SUPT3H: variants seen among roughly 807,000 people sequenced by gnomAD.
SUPT3H encodes the protein SPT3 homolog, SAGA and STAGA complex component.
SUPT3H carries 44 observed loss-of-function variants against 44.3 expected under a neutral mutation model. That is an observed-to-expected ratio of 0.99 (90% CI 0.78 to 1.28). SUPT3H has a LOEUF of 1.28. Ranked by LOEUF, SUPT3H falls within the 50% of genes most tolerant of loss-of-function variation. The pLI is 0.00. For synonymous variants in SUPT3H, 124 were observed against 125.6 expected (o/e 0.99, Z 0.09); for missense variants, 380 against 387.1 (o/e 0.98, Z 0.15).
chr6:45,222,496 C>T (rs907198522), intron 2 of SUPT3H, among the ~76,000 whole-genome samples: 2 of 152,210 alleles, frequency 1.3e-5, no homozygotes, highest in Non-Finnish European at 2.9e-5. Context: ...GAGATTATCA[C>T]TACAGGACCA....
At chr6:45,248,801 G>C (rs1311633691) in intron 2 of SUPT3H, among the ~76,000 whole-genome samples, 1 of 151,938 alleles carries the variant, frequency 6.6e-6, no homozygotes, top group Non-Finnish European at 1.5e-5. Context: ...TGTAGTCCCA[G>C]CTACTTGGGA....
chr6:45,158,023 A>T (rs951362457), intron 2 of SUPT3H, among the ~76,000 whole-genome samples: 3 of 148,350 alleles, frequency 2.0e-5, no homozygotes, highest in African/African-American at 7.4e-5. Context: ...TCCATGCTCT[A>T]GGGGATTTAA....
intron 10 of SUPT3H, among the ~76,000 whole-genome samples, chr6:44,870,773 G>C (rs542513648): frequency 2.7e-5 from 4 of 150,720 alleles, no homozygotes; most frequent in Admixed American, 1.3e-4. Flanking sequence ...GAGAGTGGGC[G>C]CAGGCCAGTG....
intron 1 of SUPT3H, among the ~76,000 whole-genome samples, chr6:45,366,151 G>A (rs1384811444): frequency 1.3e-5 from 2 of 152,122 alleles, no homozygotes; most frequent in Non-Finnish European, 2.9e-5. Context: ...CATAAACTTT[G>A]CAAAGCTGTA....
chr6:45,021,543 C>T (rs979376904), intron 3 of SUPT3H, among the ~76,000 whole-genome samples: 1 of 151,830 alleles, frequency 6.6e-6, no homozygotes, highest in Non-Finnish European at 1.5e-5. Context: ...TCAAATCTTA[C>T]GGATTGCACC....
chr6:45,193,624 G>A (rs1815510850), intron 2 of SUPT3H, among the ~76,000 whole-genome samples: 1 of 152,146 alleles, frequency 6.6e-6, no homozygotes, highest in Non-Finnish European at 1.5e-5. Context: ...GCTGAGGCAG[G>A]AGAATCGCTT....
chr6:45,158,668 G>A (rs1187565857), intron 2 of SUPT3H, among the ~76,000 whole-genome samples: 1 of 152,042 alleles, frequency 6.6e-6, no homozygotes, highest in Non-Finnish European at 1.5e-5. Context: ...GTTATCGCTA[G>A]CTGTCAGAGT....
chr6:44,857,311 G>T (rs998516991), intron 10 of SUPT3H, among the ~76,000 whole-genome samples: 6 of 152,102 alleles, frequency 3.9e-5, no homozygotes, highest in Non-Finnish European at 7.4e-5. Context: ...GGACAAAAGC[G>T]GAAGAGAAAC....
intron 2 of SUPT3H, among the ~76,000 whole-genome samples, chr6:45,127,984 C>A (rs1298388912): frequency 2.0e-5 from 3 of 152,102 alleles, no homozygotes; most frequent in Non-Finnish European, 4.4e-5. Context: ...ATTAGGTGCA[C>A]AAATATTTAG....
chr6:44,859,164 C>G (rs560232779), intron 10 of SUPT3H, among the ~76,000 whole-genome samples: 3 of 152,244 alleles, frequency 2.0e-5, no homozygotes, highest in East Asian at 1.9e-4. Context: ...TAGCCCTGAA[C>G]CAGAATGTTT....
chr6:45,215,680 C>A lies in SUPT3H; in HGVS notation c.102-109674G>T, dbSNP rs187562260. Among the ~76,000 whole-genome samples, 20 of 152,088 alleles carry A rather than the reference C, an allele frequency of 1.3e-4. No homozygotes were observed. In the East Asian group the frequency reaches 3.9e-3, roughly 29 times the overall value. ...GGAAAAAAAGAATGAAGAAAGCCTACAGAAATTATGGGAAATTATTAAGCA... is the reference window on the plus strand; with the variant it reads ...GGAAAAAAAGAATGAAGAAAGCCTAAAGAAATTATGGGAAATTATTAAGCA... On this transcript the variant is annotated intron_variant, in intron 2 of 10. Transcript: ENST00000371459.
At chr6:45,142,907 T>C (rs1490848301) in intron 2 of SUPT3H, among the ~76,000 whole-genome samples, 5 of 151,846 alleles carry the variant, frequency 3.3e-5, no homozygotes, top group African/African-American at 1.2e-4. Context: ...CAGGAATAGC[T>C]ATTCTTGTAT....
chr6:45,179,100 C>T (rs147931031), intron 2 of SUPT3H, among the ~76,000 whole-genome samples: 1 of 151,860 alleles, frequency 6.6e-6, no homozygotes, highest in Non-Finnish European at 1.5e-5. Context: ...ACTACAAACA[C>T]CTCTACGCAA....
At chr6:44,982,762 T>C (rs1003697528) in intron 6 of SUPT3H, among the ~76,000 whole-genome samples, 2 of 152,212 alleles carry the variant, frequency 1.3e-5, no homozygotes, top group Admixed American at 6.5e-5. Flanking sequence ...AGACAGACTA[T>C]GGCATTCGTA....
At chr6:45,085,969 A>G (rs1796423292) in intron 3 of SUPT3H, among the ~76,000 whole-genome samples, 1 of 152,098 alleles carries the variant, frequency 6.6e-6, no homozygotes, top group Admixed American at 6.6e-5. Context: ...TCCTATATTT[A>G]AAATGTTTGA....
chr6:44,974,678 C>T (rs1281390582), intron 6 of SUPT3H, among the ~76,000 whole-genome samples: 1 of 152,178 alleles, frequency 6.6e-6, no homozygotes, highest in Non-Finnish European at 1.5e-5. Context: ...TCAAAACCCT[C>T]CTTGGTCCTG....
At chr6:44,880,678 G>C (rs1268783228) in intron 10 of SUPT3H, among the ~76,000 whole-genome samples, 1 of 152,182 alleles carries the variant, frequency 6.6e-6, no homozygotes, top group African/African-American at 2.4e-5. Context: ...CAGCCAGAGA[G>C]TAAGAAAGGG....
At chr6:45,316,579 T>C (rs1389268033) in intron 2 of SUPT3H, among the ~76,000 whole-genome samples, 1 of 152,138 alleles carries the variant, frequency 6.6e-6, no homozygotes, top group Admixed American at 6.6e-5. Context: ...ACAAATTCAG[T>C]AATTCTGCAA....
intron 10 of SUPT3H, among the ~76,000 whole-genome samples, chr6:44,864,002 A>G (rs1013661109): frequency 6.6e-6 from 1 of 151,880 alleles, no homozygotes. Flanking sequence ...AGTACAATTC[A>G]AGATGAGATT....
Sources: gnomAD v4.1 joint callset for allele counts (sites outside exome capture counted in the v4.1 genomes callset) on GRCh38, gnomAD v4.1.1 for gene constraint, MANE v1.5 for transcripts, NCBI Gene and HGNC (gene_info 2026-07-23, HGNC 2026-07-21) for gene names.